Variants in PRKAG2 observed in about 807,000 individuals in gnomAD.
PRKAG2 encodes the protein protein kinase AMP-activated non-catalytic subunit gamma 2.
In PRKAG2, 26 loss-of-function variants were observed where a neutral mutation model predicts 69.6. That is an observed-to-expected ratio of 0.37 (90% CI 0.27 to 0.52). The LOEUF (loss-of-function observed/expected upper bound fraction) is 0.52, where lower values mean the gene tolerates loss of function less well. Ranked by LOEUF, PRKAG2 falls within the 20% of genes least tolerant of loss-of-function variation. The probability of loss-of-function intolerance (pLI) is 0.90; values close to 1 mark genes in which losing one functional copy is unlikely to be tolerated. For synonymous variants in PRKAG2, 293 were observed against 285.0 expected (o/e 1.03, Z -0.28); for missense variants, 557 against 740.0 (o/e 0.75, Z 2.87).
chr7:151,708,884 C>G (rs1201019063), intron 3 of PRKAG2, among the ~76,000 whole-genome samples: 4 of 152,160 alleles, frequency 2.6e-5, no homozygotes. Context: ...GCTCGGGGCA[C>G]CCATGGACAG....
chr7:151,706,385 C>A (rs746654880), intron 3 of PRKAG2, among the ~76,000 whole-genome samples: 8 of 152,224 alleles, frequency 5.3e-5, no homozygotes, highest in Admixed American at 1.3e-4. Flanking sequence ...CCTCGCCCTG[C>A]CTTTAACAAG....
At chr7:151,767,092 T>C (rs2075773996) in intron 3 of PRKAG2, among the ~76,000 whole-genome samples, 2 of 152,038 alleles carry the variant, frequency 1.3e-5, no homozygotes, top group Non-Finnish European at 2.9e-5. Context: ...CACAGAGACA[T>C]GTGCATGGAA....
rs371920332 is a variant in PRKAG2, at chr7:151,807,654, C to T, written c.115-21113G>A. 46 of 456,300 alleles carry T rather than the reference C, an allele frequency of 1.0e-4. No individual in the cohort carries two copies. The highest frequency in any genetic ancestry group is 4.2e-4 in the East Asian group (6 of 14,340). 28.3% of individuals were successfully genotyped at this position (456,300 alleles called of 1,614,324 possible). ...CCAACAGGTAAGTCCCAGCAGGGTG[C>T]GATGTCCCAAACCTACACAACCGTT... On this transcript the variant is annotated intron_variant, in intron 1 of 15. Coordinates refer to ENST00000287878, the MANE Select transcript of PRKAG2 (RefSeq NM_016203.4). This position sits in a 1 kb window ranked among gnomAD's most constrained non-coding sequence, Gnocchi z 4.4.
chr7:151,695,289 C>T (rs576038294), intron 3 of PRKAG2, among the ~76,000 whole-genome samples: 1 of 152,174 alleles, frequency 6.6e-6, no homozygotes, highest in Non-Finnish European at 1.5e-5. Context: ...AAAATCACAC[C>T]GCCTGTCACC....
At chr7:151,854,306 AACACACGTGCACATGCAC>A (rs1258900534) in intron 1 of PRKAG2, among the ~76,000 whole-genome samples, 1 of 152,190 alleles carries the variant, frequency 6.6e-6, no homozygotes, top group African/African-American at 2.4e-5. Flanking sequence ...CACACACACG[AACACACGTGCACATGCAC>A]ACACACGTGT....
Position 151,614,547 on chromosome 7 carries a change from G to A in PRKAG2, c.754+17522C>T, listed in dbSNP as rs1419243947. On this transcript the variant is annotated intron_variant, in intron 5 of 15. Transcript: ENST00000287878. The surrounding 1 kb of genome is among the most constrained non-coding windows in gnomAD (Gnocchi z 4.4). ...CATCGTGACTCTCCGTCCCATCCCT[G>A]CGTGCTCTCCTTCACCTCCGCCCCT... Among the ~76,000 whole-genome samples, 1 of 152,088 alleles carries A rather than the reference G, an allele frequency of 6.6e-6. No homozygotes were observed. Among genetic ancestry groups the A allele is most frequent in the African/African-American group, 2.4e-5 (1 of 41,428 alleles).
intron 6 of PRKAG2, among the ~76,000 whole-genome samples, chr7:151,577,111 A>G (rs1353860827): frequency 1.3e-5 from 2 of 152,152 alleles, no homozygotes; most frequent in African/African-American, 4.8e-5. Flanking sequence ...TCATCTGAAA[A>G]CACTGAAGTT....
chr7:151,706,476 G>T (rs931715517), intron 3 of PRKAG2, among the ~76,000 whole-genome samples: 2 of 152,108 alleles, frequency 1.3e-5, no homozygotes, highest in Non-Finnish European at 2.9e-5. Context: ...CTCCCCACCT[G>T]GGACAGTGCC....
intron 5 of PRKAG2, among the ~76,000 whole-genome samples, chr7:151,601,243 G>A (rs1301971170): frequency 6.6e-6 from 1 of 152,194 alleles, no homozygotes; most frequent in Non-Finnish European, 1.5e-5. Flanking sequence ...GACCTGGAAA[G>A]GGTAAGGAAA....
chr7:151,561,053 G>A (rs116172178), intron 14 of PRKAG2, among the ~76,000 whole-genome samples: 2 of 152,138 alleles, frequency 1.3e-5, no homozygotes, highest in African/African-American at 2.4e-5. Flanking sequence ...GACCTACTCC[G>A]TATTAAAAAG....
chr7:151,615,048 C>A (rs1035672561), intron 5 of PRKAG2, among the ~76,000 whole-genome samples: 8 of 152,172 alleles, frequency 5.3e-5, no homozygotes, highest in African/African-American at 1.7e-4. Context: ...CCAGAGGGAA[C>A]CTCGAGACAG....
At chr7:151,714,048 G>C (rs1377746343) in intron 3 of PRKAG2, among the ~76,000 whole-genome samples, 1 of 152,144 alleles carries the variant, frequency 6.6e-6, no homozygotes, top group Non-Finnish European at 1.5e-5. Context: ...TCAAGTGTGG[G>C]GGGTCACTGG....
At chr7:151,606,541 C>T (rs533185841) in intron 5 of PRKAG2, among the ~76,000 whole-genome samples, 3 of 152,206 alleles carry the variant, frequency 2.0e-5, no homozygotes, top group South Asian at 2.1e-4. Flanking sequence ...ATTCCTTGGC[C>T]GCGTGCGGTG....
intron 1 of PRKAG2, among the ~76,000 whole-genome samples, chr7:151,826,230 G>C (rs146709169): frequency 0.023 from 3,463 of 151,910 alleles, 61 homozygotes; most frequent in South Asian, 0.053. Flanking sequence ...GCCTAGGCTG[G>C]AGTGCAGTGG....
At chr7:151,707,768 C>T (rs543823895) in intron 3 of PRKAG2, among the ~76,000 whole-genome samples, 1 of 152,302 alleles carries the variant, frequency 6.6e-6, no homozygotes, top group South Asian at 2.1e-4. Flanking sequence ...TTAAACCGGC[C>T]AGCCAGGGAG....
intron 1 of PRKAG2, among the ~76,000 whole-genome samples, chr7:151,795,813 C>A (rs958394378): frequency 6.9e-5 from 9 of 129,892 alleles, no homozygotes; most frequent in Middle Eastern, 4.5e-3. Flanking sequence ...CCAGTTCCGA[C>A]CAACGCATGA....
At position 151,874,048 on chromosome 7, in the gene PRKAG2, GT is replaced by G. The variant is rs1563772258; in HGVS notation, c.114+2458del. On this transcript the variant is annotated intron_variant, in intron 1 of 15. Coordinates refer to ENST00000287878, the MANE Select transcript of PRKAG2 (RefSeq NM_016203.4). ...TGATGTATATGTATATGATGTATAT[GT>G]ATGTATATGTATATGTATATGATGT... Among the ~76,000 whole-genome samples, 1,060 of 130,812 alleles carry G rather than the reference GT, an allele frequency of 8.1e-3. 31 individuals are homozygous for G. The highest frequency in any genetic ancestry group is 0.01 in the Non-Finnish European group (625 of 60,646). 85.8% of individuals were successfully genotyped at this position (130,812 alleles called of 152,430 possible).
chr7:151,558,520 C>A lies in PRKAG2; in HGVS notation c.1679-1288G>T, dbSNP rs957920055. On this transcript the variant is annotated intron_variant, in intron 15 of 15. Coordinates refer to ENST00000287878, the MANE Select transcript of PRKAG2 (RefSeq NM_016203.4). ...AAGCGACTTGCTTACATTCAGACAG[C>A]GCTCGGGTGGGACAGCTGGGACTTG... is the stretch of plus-strand genomic sequence containing the variant. 12 of 955,998 alleles carry A rather than the reference C, an allele frequency of 1.3e-5. No individual in the cohort carries two copies. The African/African-American group carries it at 1.9e-4, about 15-fold the overall frequency. 59.2% of individuals were successfully genotyped at this position (955,998 alleles called of 1,614,324 possible).
chr7:151,833,684 G>T (rs2079087501), intron 1 of PRKAG2, among the ~76,000 whole-genome samples: 1 of 152,228 alleles, frequency 6.6e-6, no homozygotes, highest in African/African-American at 2.4e-5. Context: ...GTGGGGGATA[G>T]TTTGGAGAAA....
Sources: allele counts gnomAD v4.1 joint callset (sites outside exome capture counted in the v4.1 genomes callset), GRCh38; gene constraint gnomAD v4.1.1; non-coding constraint Gnocchi (gnomAD v3.1); transcripts MANE v1.5; gene names NCBI Gene and HGNC (gene_info 2026-07-23, HGNC 2026-07-21).